The following SP100 variants were observed in gnomAD, a reference collection of about 807,000 sequenced individuals.
The protein encoded by SP100 is SP100 nuclear body protein.
SP100 carries 84 observed loss-of-function variants against 130.0 expected under a neutral mutation model. The observed-to-expected ratio is 0.65, with a 90% confidence interval of 0.54 to 0.77. The LOEUF (loss-of-function observed/expected upper bound fraction) is 0.77. Among genes scored for constraint, SP100 ranks in the 30% least tolerant of loss-of-function variants. The pLI is 0.00. For missense variants in SP100, 978 were observed against 1,052.2 expected (o/e 0.93, Z 0.97); for synonymous variants, 331 against 351.7 (o/e 0.94, Z 0.66).
At chr2:230,500,112 G>A (rs1242493971) in intron 19 of SP100, among the ~76,000 whole-genome samples, 4 of 152,060 alleles carry the variant, frequency 2.6e-5, no homozygotes, top group Middle Eastern at 3.4e-3. Flanking sequence ...ATACTCTTTT[G>A]CCAAGAATGA....
chr2:230,495,278 T>C (rs960713202), intron 18 of SP100, among the ~76,000 whole-genome samples: 9 of 152,226 alleles, frequency 5.9e-5, no homozygotes, highest in Non-Finnish European at 1.2e-4. Context: ...GCCAGAGTAC[T>C]GGTGCCACAT....
chr2:230,531,221 A>G (rs2150108321), intron 24 of SP100, among the ~76,000 whole-genome samples: 1 of 152,346 alleles, frequency 6.6e-6, no homozygotes, highest in East Asian at 1.9e-4. Context: ...CATATACACC[A>G]TGGAATACTA....
chr2:230,448,953 C>A, intron 5 of SP100, 135 bp from the exon 6 acceptor site: 1 of 694,732 alleles, frequency 1.4e-6, no homozygotes, highest in South Asian at 1.7e-5. Flanking sequence ...CATCTGCCAG[C>A]TCCAGGTGGC....
chr2:230,467,501 G>T (rs560854865), intron 13 of SP100, among the ~76,000 whole-genome samples: 5 of 152,322 alleles, frequency 3.3e-5, no homozygotes, highest in African/African-American at 1.2e-4. Context: ...AAAGAAAGAG[G>T]TGTAATGGAC....
chr2:230,469,756 A>G (rs2065169857), intron 14 of SP100: 1 of 1,326,812 alleles, frequency 7.5e-7, no homozygotes, highest in Admixed American at 2.7e-5. Flanking sequence ...ATGATTTATA[A>G]TAAATACATA....
chr2:230,463,584 T>C (rs553329902), intron 10 of SP100: 1 of 152,706 alleles, frequency 6.5e-6, no homozygotes, highest in Non-Finnish European at 1.5e-5. Flanking sequence ...TTAGACAATA[T>C]GTACTCTAAC....
intron 24 of SP100, among the ~76,000 whole-genome samples, chr2:230,524,356 C>CAAAAAAAAAAA (rs34536949): frequency 1.1e-5 from 1 of 94,892 alleles, no homozygotes; most frequent in African/African-American, 4.4e-5. Context: ...GATTCCATCT[C>CAAAAAAAAAAA]AAAAAAAAAA....
intron 7 of SP100, 145 bp downstream of exon 7, chr2:230,449,855 AG>A (rs2063887620): frequency 2.3e-6 from 2 of 864,036 alleles, no homozygotes; most frequent in Non-Finnish European, 3.7e-6. Context: ...CCTGTTATAC[AG>A]ATGAGCCTGA....
In SP100 at chr2:230,518,257, A is replaced by T. The variant is rs189971307; in HGVS notation, c.2094+7091A>T. 2.9e-3 allele frequency among the ~76,000 whole-genome samples: 435 copies of T among 152,154 alleles called. 2 individuals are homozygous for T. Among genetic ancestry groups the T allele is most frequent in the Admixed American group, 4.3e-3 (65 of 15,282 alleles). The stretch of plus-strand genomic sequence containing the variant: ...TAAAACAACCTTAAATAACCCCTGA[A>T]TTAAACACAATTACTTTTTCTCAGT... On this transcript the variant is annotated intron_variant, in intron 24 of 28. Transcript: ENST00000340126.
intron 17 of SP100, among the ~76,000 whole-genome samples, chr2:230,480,446 A>C (rs149056026): frequency 6.6e-6 from 1 of 152,242 alleles, no homozygotes; most frequent in African/African-American, 2.4e-5. Flanking sequence ...TCTTTGTCAT[A>C]AGTAATCACA....
intron 17 of SP100, 109 bp downstream of exon 17, chr2:230,474,556 A>T (rs1409372296): frequency 4.7e-6 from 3 of 636,872 alleles, no homozygotes; most frequent in Non-Finnish European, 8.3e-6. Context: ...TATAGATTAA[A>T]GGGTGCATTT....
intron 24 of SP100, among the ~76,000 whole-genome samples, chr2:230,519,966 A>G (rs1168181868): frequency 6.6e-6 from 1 of 152,220 alleles, no homozygotes; most frequent in Non-Finnish European, 1.5e-5. Flanking sequence ...GTGTACCCTG[A>G]GTCTTAGAAG....
At chr2:230,446,985 C>A in intron 5 of SP100, 83 bp downstream of exon 5, 1 of 790,910 alleles carries the variant, frequency 1.3e-6, no homozygotes, top group Non-Finnish European at 2.1e-6. Flanking sequence ...TCAGGGAAGA[C>A]ATATGGAAGG....
At chr2:230,508,664 A>T (rs1240397444) in intron 23 of SP100, 1 of 152,134 alleles carries the variant, frequency 6.6e-6, no homozygotes, top group African/African-American at 2.4e-5. Flanking sequence ...TTGGAAAAAT[A>T]AGCATGAGTT....
rs967722966 is a variant in SP100, at chr2:230,527,584, T to C, written c.2095-11683T>C. On this transcript the variant is annotated intron_variant, in intron 24 of 28. Coordinates refer to ENST00000340126, the MANE Select transcript of SP100 (RefSeq NM_001080391.2). ...AAACTCAAACATAACAGTATTAACC[T>C]CAAATGTGAAAGGGCTAAATGACCC... Among the ~76,000 whole-genome samples the C allele has an allele frequency of 5.3e-5, 8 of 152,034 alleles. 1 individual carries two copies. The South Asian group carries it at 1.7e-3, about 32-fold the overall frequency.
At chr2:230,521,169 G>A (rs1691153806) in intron 24 of SP100, among the ~76,000 whole-genome samples, 1 of 152,184 alleles carries the variant, frequency 6.6e-6, no homozygotes, top group Non-Finnish European at 1.5e-5. Context: ...TCATGTGGAT[G>A]CAGAGAAAAG....
At chr2:230,495,791 A>C (rs1160521813) in intron 18 of SP100, among the ~76,000 whole-genome samples, 2 of 151,224 alleles carry the variant, frequency 1.3e-5, no homozygotes, top group Non-Finnish European at 3.0e-5. Context: ...TTATTTCTTT[A>C]TTTATTTTTG....
At chr2:230,427,113 C>A (rs1179903950) in intron 2 of SP100, among the ~76,000 whole-genome samples, 1 of 152,016 alleles carries the variant, frequency 6.6e-6, no homozygotes, top group Non-Finnish European at 1.5e-5. Context: ...CTTTTTTCAT[C>A]CCTTCACCTT....
intron 10 of SP100, 90 bp downstream of exon 10, chr2:230,462,608 T>C: frequency 9.6e-6 from 9 of 934,362 alleles, no homozygotes; most frequent in Non-Finnish European, 1.6e-5. Flanking sequence ...GAGCTCATTC[T>C]GTACAATGGA....
Sources: gnomAD v4.1 joint callset for allele counts (sites outside exome capture counted in the v4.1 genomes callset) on GRCh38, gnomAD v4.1.1 for gene constraint, MANE v1.5 for transcripts, NCBI Gene and HGNC (gene_info 2026-07-23, HGNC 2026-07-21) for gene names.